FSIP1: variants seen among roughly 807,000 people sequenced by gnomAD.
FSIP1 encodes the protein fibrous sheath-interacting protein 1.
FSIP1 carries 65 observed loss-of-function variants against 60.9 expected under a neutral mutation model. The ratio of observed to expected loss-of-function variants is 1.07; its 90% CI spans 0.87 to 1.31. FSIP1 has a LOEUF of 1.31. Ranked by LOEUF, FSIP1 falls within the 40% of genes most tolerant of loss-of-function variation. The pLI is 0.00. For missense variants in FSIP1, 675 were observed against 665.5 expected, an observed-to-expected ratio of 1.01 and a Z score of -0.16; for synonymous variants, 209 against 221.2, an observed-to-expected ratio of 0.94 and a Z score of 0.49.
At chr15:39,686,313 AG>A (rs941957468) in intron 10 of FSIP1, among the ~76,000 whole-genome samples, 9 of 152,344 alleles carry the variant, frequency 5.9e-5, no homozygotes, top group African/African-American at 2.2e-4. Context: ...ATTCAAACCC[AG>A]GTGCCTCACT....
intron 10 of FSIP1, among the ~76,000 whole-genome samples, chr15:39,710,441 G>GAAAAAAAAAAAAAAAAAAA (rs397945950): frequency 1.3e-5 from 1 of 74,240 alleles, no homozygotes; most frequent in African/African-American, 4.1e-5. Flanking sequence ...CTCTGTCTCA[G>GAAAAAAAAAAAAAAAAAAA]AAAAAAAAAA....
intron 11 of FSIP1, among the ~76,000 whole-genome samples, chr15:39,608,753 T>A (rs1018879063): frequency 6.6e-5 from 10 of 152,118 alleles, no homozygotes; most frequent in Admixed American, 5.2e-4. Flanking sequence ...GTTGCTCAGC[T>A]CCCATACCCC....
intron 5 of FSIP1, 104 bp from the exon 6 acceptor site, chr15:39,742,004 C>G: frequency 1.6e-6 from 1 of 628,866 alleles, no homozygotes; most frequent in Non-Finnish European, 2.8e-6. Context: ...CTCCAGTGTT[C>G]CTCAGTCCCC....
chr15:39,753,587 TA>T (rs1211473450), intron 5 of FSIP1, among the ~76,000 whole-genome samples: 2 of 152,142 alleles, frequency 1.3e-5, no homozygotes, highest in Admixed American at 1.3e-4. Flanking sequence ...TTAAATCCAT[TA>T]ATTTTAAAAC....
At chr15:39,612,422 G>C (rs1458209993) in intron 11 of FSIP1, among the ~76,000 whole-genome samples, 3 of 151,820 alleles carry the variant, frequency 2.0e-5, no homozygotes, top group Admixed American at 6.6e-5. Flanking sequence ...GGGGAAAAAA[G>C]GAAATCAAAC....
Position 39,700,089 on chromosome 15 carries a change from T to C in FSIP1, c.1188+13355A>G, listed in dbSNP as rs16969623. On this transcript the variant is annotated intron_variant, in intron 10 of 11. Coordinates refer to ENST00000350221, the MANE Select transcript of FSIP1 (RefSeq NM_152597.5). ...AAAATGTCATATATCTTTATGGCAT[T>C]GGCAAAAAGTCAGAACTTTCTATGA... Among the ~76,000 whole-genome samples the C allele has an allele frequency of 6.2e-3, 948 of 152,310 alleles. 10 individuals are homozygous for C. Among genetic ancestry groups the C allele is most frequent in the African/African-American group, 0.022 (895 of 41,568 alleles).
chr15:39,623,347 A>T (rs1426170721), intron 10 of FSIP1, among the ~76,000 whole-genome samples: 1 of 152,194 alleles, frequency 6.6e-6, no homozygotes, highest in East Asian at 1.9e-4. Flanking sequence ...CCTTTGATGT[A>T]AGCTTACTTC....
chr15:39,699,876 A>G (rs1482537052), intron 10 of FSIP1, among the ~76,000 whole-genome samples: 1 of 152,178 alleles, frequency 6.6e-6, no homozygotes, highest in Non-Finnish European at 1.5e-5. Flanking sequence ...ACATAGAAAC[A>G]TAGCTTCAGT....
At chr15:39,718,777 G>A (rs549646730) in intron 9 of FSIP1, among the ~76,000 whole-genome samples, 2 of 152,278 alleles carry the variant, frequency 1.3e-5, no homozygotes, top group Non-Finnish European at 2.9e-5. Context: ...GATTACAGAT[G>A]TGAGCCACTG....
chr15:39,742,912 G>A (rs1190436094), intron 5 of FSIP1, among the ~76,000 whole-genome samples: 2 of 152,132 alleles, frequency 1.3e-5, no homozygotes, highest in East Asian at 3.8e-4. Context: ...GTAAGCCTGG[G>A]GAGAGAGGGG....
chr15:39,677,876 G>A (rs1335815638), intron 10 of FSIP1, among the ~76,000 whole-genome samples: 1 of 151,908 alleles, frequency 6.6e-6, no homozygotes, highest in African/African-American at 2.4e-5. Context: ...TATGCCTGTA[G>A]TCCCAGTTAC....
At chr15:39,681,138 A>C (rs190871832) in intron 10 of FSIP1, among the ~76,000 whole-genome samples, 12 of 152,328 alleles carry the variant, frequency 7.9e-5, no homozygotes, top group Non-Finnish European at 8.8e-5. Flanking sequence ...AGAAAAAAAA[A>C]ATTGCATCAT....
At chr15:39,724,292 G>T (rs985902120) in intron 9 of FSIP1, among the ~76,000 whole-genome samples, 1 of 146,504 alleles carries the variant, frequency 6.8e-6, no homozygotes, top group Non-Finnish European at 1.5e-5. Flanking sequence ...TCACTCTGTC[G>T]CCCAGGCTGC....
rs552568320 is a variant in FSIP1 at position 39,666,691 on chromosome 15, T to C, written c.1188+46753A>G. On this transcript the variant is annotated intron_variant, in intron 10 of 11. Coordinates refer to ENST00000350221, the MANE Select transcript of FSIP1 (RefSeq NM_152597.5). The stretch of plus-strand genomic sequence containing the variant: ...ACATCTAAGTGTTCTCGTGTTTTCT[T>C]AGCGGCAGCACTGAACTTCAGAGTC... 3.9e-5 allele frequency among the ~76,000 whole-genome samples: 6 copies of C among 152,342 alleles called. No individual in the cohort carries two copies. The South Asian group carries it at 6.2e-4, about 16-fold the overall frequency.
chr15:39,713,288 C>T (rs565778799), intron 10 of FSIP1, among the ~76,000 whole-genome samples, 156 bp downstream of exon 10: 138 of 152,168 alleles, frequency 9.1e-4, no homozygotes, highest in South Asian at 2.5e-3. Context: ...GAGAGATGGA[C>T]GGGTGCGGTG....
chr15:39,700,216 C>A (rs1312238120), intron 10 of FSIP1, among the ~76,000 whole-genome samples: 1 of 152,192 alleles, frequency 6.6e-6, no homozygotes, highest in Non-Finnish European at 1.5e-5. Flanking sequence ...GTAACACCCA[C>A]CCCCATCTAT....
At position 39,654,805 on chromosome 15, in the gene FSIP1, A is replaced by C. The variant is rs1020711177; in HGVS notation, c.1189-36560T>G. ...ACAGGAAACAAAATTCTGCGACCCC[A>C]AGTATGGTAAATGATGAATGGCAAG... On this transcript the variant is annotated intron_variant, in intron 10 of 11. Coordinates refer to ENST00000350221, the MANE Select transcript of FSIP1 (RefSeq NM_152597.5). Among the ~76,000 whole-genome samples, 6 of 152,240 alleles carry C rather than the reference A, an allele frequency of 3.9e-5. No homozygotes were observed. In the South Asian group the frequency reaches 1.2e-3, roughly 32 times the overall value.
chr15:39,619,938 A>G (rs2140384397), intron 10 of FSIP1, among the ~76,000 whole-genome samples: 1 of 152,280 alleles, frequency 6.6e-6, no homozygotes, highest in East Asian at 1.9e-4. Context: ...TAGATTATCC[A>G]ATATGCTTGA....
intron 10 of FSIP1, among the ~76,000 whole-genome samples, chr15:39,701,249 A>G (rs1895046742): frequency 6.6e-6 from 1 of 152,194 alleles, no homozygotes; most frequent in African/African-American, 2.4e-5. Context: ...TTGGGGTGAT[A>G]AGAATTAACA....
Sources: allele counts gnomAD v4.1 joint callset (sites outside exome capture counted in the v4.1 genomes callset), GRCh38; gene constraint gnomAD v4.1.1; transcripts MANE v1.5; gene names NCBI Gene and HGNC (gene_info 2026-07-23, HGNC 2026-07-21).